GRID2: variants seen among roughly 807,000 people sequenced by gnomAD.
GRID2 encodes glutamate receptor ionotropic, delta-2.
A neutral mutation model predicts 114.8 loss-of-function variants in GRID2; 33 were observed. The ratio of observed to expected loss-of-function variants is 0.29; its 90% CI spans 0.22 to 0.38. The LOEUF (loss-of-function observed/expected upper bound fraction) is 0.38, where lower values mean the gene tolerates loss of function less well. Ranked by LOEUF, GRID2 falls within the 10% of genes least tolerant of loss-of-function variation. The probability of loss-of-function intolerance (pLI) is 1.00; values close to 1 mark genes in which losing one functional copy is unlikely to be tolerated. For missense variants in GRID2, 1,184 were observed against 1,257.7 expected (o/e 0.94, Z 0.89); for synonymous variants, 505 against 449.9 (o/e 1.12, Z -1.55).
chr4:92,803,416 A>T (rs1356473415), intron 2 of GRID2, among the ~76,000 whole-genome samples: 1 of 152,016 alleles, frequency 6.6e-6, no homozygotes, highest in African/African-American at 2.4e-5. Context: ...TTCAATGTTA[A>T]ATATAACAAA....
intron 1 of GRID2, among the ~76,000 whole-genome samples, chr4:93,779,819 T>G (rs919121813): frequency 1.3e-5 from 2 of 152,178 alleles, no homozygotes; most frequent in African/African-American, 4.8e-5. Flanking sequence ...AGAGGCACAG[T>G]AGACCACGAT....
chr4:92,516,468 C>A (rs1435237817), intron 1 of GRID2, among the ~76,000 whole-genome samples: 1 of 151,814 alleles, frequency 6.6e-6, no homozygotes, highest in African/African-American at 2.4e-5. Context: ...GTAATAGCAA[C>A]CCTATCGTTT....
intron 1 of GRID2, among the ~76,000 whole-genome samples, chr4:92,441,808 G>T (rs1733103483): frequency 6.6e-6 from 1 of 152,056 alleles, no homozygotes; most frequent in Non-Finnish European, 1.5e-5. Flanking sequence ...TATACTTGTG[G>T]GTTAAGGTGG....
intron 8 of GRID2, 65 bp downstream of exon 8, chr4:93,238,555 A>T: frequency 7.1e-7 from 1 of 1,413,592 alleles, no homozygotes; most frequent in East Asian, 2.4e-5. Flanking sequence ...ATTGTTTTCC[A>T]TGCAGTATGA....
chr4:93,147,992 A>G (rs1736411663), intron 4 of GRID2, among the ~76,000 whole-genome samples: 1 of 152,194 alleles, frequency 6.6e-6, no homozygotes, highest in South Asian at 2.1e-4. Context: ...ATGCATTACT[A>G]GCATTTTGAA....
chr4:92,383,531 A>G (rs10004009), intron 1 of GRID2, among the ~76,000 whole-genome samples: 54,703 of 151,748 alleles, frequency 0.36, 10,603 homozygotes, highest in East Asian at 0.7. Context: ...AATTTATCCC[A>G]GGGGTAAGGT....
chr4:93,100,555 A>T (rs1578986907), intron 3 of GRID2, among the ~76,000 whole-genome samples: 1 of 151,972 alleles, frequency 6.6e-6, no homozygotes, highest in African/African-American at 2.4e-5. Flanking sequence ...TCAATGATGT[A>T]TCTCATATAT....
chr4:92,392,796 T>A (rs1422590738), intron 1 of GRID2, among the ~76,000 whole-genome samples: 2 of 152,146 alleles, frequency 1.3e-5, no homozygotes, highest in Non-Finnish European at 2.9e-5. Context: ...CATACTAATA[T>A]TTTTCATAAA....
At chr4:92,708,755 C>A (rs894943190) in intron 2 of GRID2, among the ~76,000 whole-genome samples, 1 of 152,032 alleles carries the variant, frequency 6.6e-6, no homozygotes, top group Non-Finnish European at 1.5e-5. Context: ...GGTGAAATCC[C>A]GTTTCTACTA....
At chr4:93,015,157 G>GA (rs1357270686) in intron 2 of GRID2, among the ~76,000 whole-genome samples, 6 of 151,792 alleles carry the variant, frequency 4.0e-5, no homozygotes, top group African/African-American at 7.3e-5. Context: ...GCTTCATTCT[G>GA]AAAAAAAGGT....
chr4:93,541,133 T>G (rs72889122), intron 13 of GRID2, among the ~76,000 whole-genome samples: 2,593 of 152,158 alleles, frequency 0.017, 73 homozygotes, highest in African/African-American at 0.06. Context: ...CCTAACTCAG[T>G]GAAATTGAAG....
chr4:93,344,777 C>T lies in GRID2; in HGVS notation c.1246-50830C>T, dbSNP rs562442339. Among the ~76,000 whole-genome samples, 19 of 151,810 alleles carry T rather than the reference C, an allele frequency of 1.3e-4. No homozygotes were observed. The East Asian group carries it at 2.5e-3, about 20-fold the overall frequency. On this transcript the variant is annotated intron_variant, in intron 8 of 15. Coordinates refer to ENST00000282020, the MANE Select transcript of GRID2 (RefSeq NM_001510.4). ...TTAACCAGTATCTCCCCATTTCCAC[C>T]GCCAGCCTTCTCTAGCTCCTGGCAA...
chr4:92,963,565 A>G (rs765013789), intron 2 of GRID2, among the ~76,000 whole-genome samples: 6 of 151,884 alleles, frequency 4.0e-5, no homozygotes, highest in Non-Finnish European at 7.4e-5. Context: ...TCTACTTCTA[A>G]TACTATTTCT....
intron 1 of GRID2, among the ~76,000 whole-genome samples, chr4:93,779,585 A>G (rs1264926515): frequency 6.6e-6 from 1 of 152,242 alleles, no homozygotes; most frequent in Admixed American, 6.5e-5. Context: ...CATCATATAA[A>G]TAACATCAGA....
rs1727231618 is a variant in GRID2, at chr4:92,564,238, T to C, written c.89-25893T>C. On this transcript the variant is annotated intron_variant, in intron 1 of 15. Coordinates refer to ENST00000282020, the MANE Select transcript of GRID2 (RefSeq NM_001510.4). ...ACTCTAAGAATCAGACAAAAATTAT[T>C]TTAAATAAGGCTAACTTATTTAGAC... Among the ~76,000 whole-genome samples, 3 of 152,032 alleles carry C rather than the reference T, an allele frequency of 2.0e-5. No homozygotes were observed. In the East Asian group the frequency reaches 5.8e-4, roughly 29 times the overall value.
At chr4:92,316,642 T>C (rs532373844) in intron 1 of GRID2, among the ~76,000 whole-genome samples, 1 of 152,242 alleles carries the variant, frequency 6.6e-6, no homozygotes, top group Admixed American at 6.5e-5. Context: ...TAAGAAAATA[T>C]TATAACATTA....
chr4:92,399,312 G>A (rs1730662147), intron 1 of GRID2, among the ~76,000 whole-genome samples: 3 of 152,058 alleles, frequency 2.0e-5, no homozygotes, highest in African/African-American at 7.2e-5. Flanking sequence ...CCTCCGTTGA[G>A]CTCATAGTCC....
chr4:92,629,950 A>G (rs1238702793), intron 2 of GRID2, among the ~76,000 whole-genome samples: 1 of 148,660 alleles, frequency 6.7e-6, no homozygotes, highest in Non-Finnish European at 1.5e-5. Flanking sequence ...ATATTATTAT[A>G]TAACAACATT....
intron 2 of GRID2, among the ~76,000 whole-genome samples, chr4:92,855,645 G>A (rs768165862): frequency 2.6e-5 from 4 of 151,820 alleles, no homozygotes; most frequent in Non-Finnish European, 4.4e-5. Context: ...ATAGGTCAAA[G>A]GAAAGTGATA....
Sources: gnomAD v4.1 joint callset for allele counts (sites outside exome capture counted in the v4.1 genomes callset) on GRCh38, gnomAD v4.1.1 for gene constraint, MANE v1.5 for transcripts, NCBI Gene and HGNC (gene_info 2026-07-23, HGNC 2026-07-21) for gene names.